Variants in GABRB1 observed in about 807,000 individuals in gnomAD.
The protein encoded by GABRB1 is gamma-aminobutyric acid type A receptor subunit beta1, also known as gamma-aminobutyric acid receptor subunit beta-1.
In GABRB1, 17 loss-of-function variants were observed where a neutral mutation model predicts 51.6. The ratio of observed to expected loss-of-function variants is 0.33; its 90% confidence interval spans 0.23 to 0.49. GABRB1 has a LOEUF of 0.49. GABRB1 is among the 20% of genes least tolerant of loss of function. The probability of loss-of-function intolerance (pLI) is 0.99; values close to 1 mark genes in which losing one functional copy is unlikely to be tolerated. For missense variants in GABRB1, 410 were observed against 600.6 expected (o/e 0.68, Z 3.32); for synonymous variants, 247 against 218.9 (o/e 1.13, Z -1.14).
At position 47,221,544 on chromosome 4, in the gene GABRB1, G is replaced by A. The variant is rs955296962; in HGVS notation, c.461+60075G>A. On this transcript the variant is annotated intron_variant, in intron 4 of 8. Transcript: ENST00000295454. ...TCTAACTTCTCATTGAAATAATATAGGCATACTGCTCTAAAACTATACTAG... is the reference window on the plus strand; with the variant it reads ...TCTAACTTCTCATTGAAATAATATAAGCATACTGCTCTAAAACTATACTAG... 9.2e-5 allele frequency among the ~76,000 whole-genome samples: 14 copies of A among 151,642 alleles called. 1 individual carries two copies. Among genetic ancestry groups the A allele is most frequent in the Admixed American group, 7.3e-4 (11 of 15,154 alleles).
At chr4:47,167,673 G>A (rs112925625) in intron 4 of GABRB1, among the ~76,000 whole-genome samples, 155 of 152,252 alleles carry the variant, frequency 1.0e-3, no homozygotes, top group African/African-American at 3.2e-3. Context: ...TTTAAGGGGT[G>A]ACTAGGTCAT....
chr4:47,220,189 G>A (rs186719124), intron 4 of GABRB1, among the ~76,000 whole-genome samples: 8 of 151,838 alleles, frequency 5.3e-5, no homozygotes, highest in Admixed American at 3.9e-4. Flanking sequence ...TTTCCCAACC[G>A]CTTCCAGACT....
intron 4 of GABRB1, among the ~76,000 whole-genome samples, chr4:47,185,878 G>A (rs1719157424): frequency 6.6e-6 from 1 of 151,834 alleles, no homozygotes; most frequent in African/African-American, 2.4e-5. Flanking sequence ...TCAAGTGCTG[G>A]GGAAGAATCC....
chr4:47,249,415 T>A (rs1329073323), intron 4 of GABRB1, among the ~76,000 whole-genome samples: 1 of 152,166 alleles, frequency 6.6e-6, no homozygotes, highest in Non-Finnish European at 1.5e-5. Flanking sequence ...TCGAGGCTCA[T>A]TTTATGACCT....
chr4:47,001,432 A>C (rs138144998), intron 1 of GABRB1, among the ~76,000 whole-genome samples: 7 of 152,184 alleles, frequency 4.6e-5, no homozygotes, highest in African/African-American at 1.7e-4. Context: ...GTGAGCCACC[A>C]TGCCCGGCCA....
At chr4:47,271,512 A>G (rs1377790336) in intron 4 of GABRB1, among the ~76,000 whole-genome samples, 2 of 152,184 alleles carry the variant, frequency 1.3e-5, no homozygotes, top group African/African-American at 4.8e-5. Context: ...AATATGGGGC[A>G]TCTCTTTCCC....
chr4:47,290,797 G>T (rs994037698), intron 4 of GABRB1, among the ~76,000 whole-genome samples: 2 of 152,104 alleles, frequency 1.3e-5, no homozygotes, highest in Admixed American at 1.3e-4. Context: ...ATGATTTAGG[G>T]TATCTGGTGG....
At chr4:47,346,365 T>A (rs1726088994) in intron 5 of GABRB1, among the ~76,000 whole-genome samples, 1 of 152,206 alleles carries the variant, frequency 6.6e-6, no homozygotes, top group African/African-American at 2.4e-5. Context: ...GGTGAACATA[T>A]GCCAATTAAT....
chr4:47,234,551 T>C (rs1008084794), intron 4 of GABRB1, among the ~76,000 whole-genome samples: 5 of 152,192 alleles, frequency 3.3e-5, no homozygotes, highest in Non-Finnish European at 5.9e-5. Context: ...CTGTATTCCT[T>C]TACCATCGCT....
chr4:47,132,004 G>A (rs951303780), intron 3 of GABRB1, among the ~76,000 whole-genome samples: 1 of 151,938 alleles, frequency 6.6e-6, no homozygotes, highest in Admixed American at 6.6e-5. Flanking sequence ...CAGAAAGAAA[G>A]GTAGTTTAAT....
chr4:47,295,516 A>C (rs1255580172), intron 4 of GABRB1, among the ~76,000 whole-genome samples: 2 of 152,214 alleles, frequency 1.3e-5, no homozygotes, highest in African/African-American at 4.8e-5. Flanking sequence ...CAGTGATGGA[A>C]GATGAAATGA....
At chr4:47,015,252 A>G (rs967930647) in intron 1 of GABRB1, among the ~76,000 whole-genome samples, 4 of 152,232 alleles carry the variant, frequency 2.6e-5, no homozygotes, top group African/African-American at 9.6e-5. Flanking sequence ...GACAGGAAAG[A>G]AAAGGCAGAG....
intron 3 of GABRB1, among the ~76,000 whole-genome samples, chr4:47,154,503 C>T (rs1653599910): frequency 6.6e-6 from 1 of 151,968 alleles, no homozygotes; most frequent in Admixed American, 6.6e-5. Context: ...CAGCATACCT[C>T]CCTTTTTTCA....
At chr4:47,379,046 T>C (rs1018031710) in intron 5 of GABRB1, among the ~76,000 whole-genome samples, 1 of 152,174 alleles carries the variant, frequency 6.6e-6, no homozygotes, top group African/African-American at 2.4e-5. Context: ...AGATTAACAA[T>C]GCAATGTGAG....
chr4:47,309,152 T>C (rs1294737484), intron 4 of GABRB1, among the ~76,000 whole-genome samples: 1 of 152,160 alleles, frequency 6.6e-6, no homozygotes, highest in Admixed American at 6.5e-5. Context: ...AAAAATAGTA[T>C]GTCTTGAACT....
chr4:47,308,200 G>T (rs1277192052), intron 4 of GABRB1, among the ~76,000 whole-genome samples: 1 of 151,948 alleles, frequency 6.6e-6, no homozygotes, highest in Admixed American at 6.6e-5. Flanking sequence ...TGATGCCGAT[G>T]AGGAAAAGGC....
intron 1 of GABRB1, among the ~76,000 whole-genome samples, chr4:47,015,599 C>G (rs537586532): frequency 2.0e-5 from 3 of 151,892 alleles, no homozygotes; most frequent in Non-Finnish European, 4.4e-5. Flanking sequence ...ATAAAGGCTT[C>G]CTTTACTGAG....
At chr4:47,117,167 A>G (rs145321250) in intron 3 of GABRB1, among the ~76,000 whole-genome samples, 22 of 152,340 alleles carry the variant, frequency 1.4e-4, no homozygotes, top group Non-Finnish European at 2.5e-4. Flanking sequence ...GTATAATAAG[A>G]GCCATTAAAG....
At chr4:47,278,142 T>A (rs1723153373) in intron 4 of GABRB1, among the ~76,000 whole-genome samples, 1 of 152,162 alleles carries the variant, frequency 6.6e-6, no homozygotes, top group Non-Finnish European at 1.5e-5. Context: ...TACTAGCTGT[T>A]CTTTGTCTAT....
Sources: allele counts gnomAD v4.1 joint callset (sites outside exome capture counted in the v4.1 genomes callset), GRCh38; gene constraint gnomAD v4.1.1; transcripts MANE v1.5; gene names NCBI Gene and HGNC (gene_info 2026-07-23, HGNC 2026-07-21).